The following CERS6 variants were observed in gnomAD, a reference collection of about 807,000 sequenced individuals.
CERS6 encodes the protein LAG1 homolog, ceramide synthase 6.
CERS6 carries 26 observed loss-of-function variants against 56.8 expected under a neutral mutation model. The ratio of observed to expected loss-of-function variants is 0.46; its 90% confidence interval spans 0.34 to 0.63. The LOEUF (loss-of-function observed/expected upper bound fraction) is 0.63, where lower values mean the gene tolerates loss of function less well. Among genes scored for constraint, CERS6 ranks in the 30% least tolerant of loss-of-function variants. The probability of loss-of-function intolerance (pLI) is 0.01; values close to 1 mark genes in which losing one functional copy is unlikely to be tolerated. For missense variants in CERS6, 415 were observed against 467.5 expected (o/e 0.89, Z 1.04); for synonymous variants, 164 against 173.3 (o/e 0.95, Z 0.42).
At chr2:168,537,764 A>C (rs1258773095) in intron 1 of CERS6, among the ~76,000 whole-genome samples, 3 of 152,112 alleles carry the variant, frequency 2.0e-5, no homozygotes, top group Non-Finnish European at 4.4e-5. Context: ...TATGTTGATG[A>C]AAATAAATTT....
intron 3 of CERS6, among the ~76,000 whole-genome samples, chr2:168,593,922 T>C (rs1242602911): frequency 6.6e-6 from 1 of 152,238 alleles, no homozygotes; most frequent in Non-Finnish European, 1.5e-5. Flanking sequence ...CCATGAATAC[T>C]CTGTTACTCT....
In CERS6 at chr2:168,510,015, CA is replaced by C. The variant is rs551326616; in HGVS notation, c.171-37575del. On this transcript the variant is annotated intron_variant, in intron 1 of 9. Coordinates refer to ENST00000305747, the MANE Select transcript of CERS6 (RefSeq NM_203463.3). ...AAAAAGCAGGTAACAATAACATGCCCAAAAAATATAATCACAAGAAAAATTT... is the reference window on the plus strand; with the variant it reads ...AAAAAGCAGGTAACAATAACATGCCCAAAAATATAATCACAAGAAAAATTT... 5.7e-3 allele frequency among the ~76,000 whole-genome samples: 858 copies of C among 150,042 alleles called. 2 individuals carry two copies. The highest frequency in any genetic ancestry group is 7.3e-3 in the Non-Finnish European group (491 of 67,540).
chr2:168,480,702 G>A (rs907944017), intron 1 of CERS6, among the ~76,000 whole-genome samples: 2 of 152,208 alleles, frequency 1.3e-5, no homozygotes, highest in African/African-American at 4.8e-5. Context: ...GAGCTTGGAG[G>A]AATAGAAATG....
intron 1 of CERS6, among the ~76,000 whole-genome samples, chr2:168,539,832 G>GT (rs1367690854): frequency 6.6e-6 from 1 of 152,024 alleles, no homozygotes; most frequent in Non-Finnish European, 1.5e-5. Flanking sequence ...TTATGCATAG[G>GT]TTTTTTTCTG....
chr2:168,465,496 C>T (rs180959515), intron 1 of CERS6, among the ~76,000 whole-genome samples: 21 of 152,248 alleles, frequency 1.4e-4, no homozygotes, highest in Non-Finnish European at 2.1e-4. Flanking sequence ...TAGGTTTCAA[C>T]GTGAATTTTG....
chr2:168,567,704 C>T (rs1157810038), intron 3 of CERS6, among the ~76,000 whole-genome samples: 10 of 152,188 alleles, frequency 6.6e-5, no homozygotes, highest in Admixed American at 2.6e-4. Flanking sequence ...AAGAGAATAT[C>T]GTCTCCTAGT....
intron 2 of CERS6, among the ~76,000 whole-genome samples, chr2:168,550,334 C>A (rs2105374129): frequency 6.6e-6 from 1 of 152,172 alleles, no homozygotes; most frequent in Admixed American, 6.5e-5. Flanking sequence ...GGCCACCACA[C>A]CTGGCTAATG....
At chr2:168,751,058 T>C (rs1428141144) in intron 8 of CERS6, among the ~76,000 whole-genome samples, 1 of 152,216 alleles carries the variant, frequency 6.6e-6, no homozygotes, top group African/African-American at 2.4e-5. Flanking sequence ...AACATAGCTG[T>C]GGTCACTGAG....
chr2:168,612,539 T>A (rs1389176229), intron 3 of CERS6, among the ~76,000 whole-genome samples: 1 of 152,216 alleles, frequency 6.6e-6, no homozygotes. Context: ...ATGAGATTTA[T>A]CTAGTCTCCC....
intron 1 of CERS6, among the ~76,000 whole-genome samples, chr2:168,488,759 C>T (rs557523649): frequency 6.6e-6 from 1 of 151,972 alleles, no homozygotes; most frequent in Non-Finnish European, 1.5e-5. Flanking sequence ...ATATAATACA[C>T]CAAAACTTTC....
At chr2:168,487,497 A>T (rs1694296284) in intron 1 of CERS6, among the ~76,000 whole-genome samples, 1 of 152,212 alleles carries the variant, frequency 6.6e-6, no homozygotes, top group Admixed American at 6.5e-5. Context: ...ATTTTCATCA[A>T]GGTGTAAGAC....
intron 1 of CERS6, among the ~76,000 whole-genome samples, chr2:168,514,354 T>A (rs2105352320): frequency 6.6e-6 from 1 of 152,330 alleles, no homozygotes. Context: ...ACCTCTAATA[T>A]GGCTTGCTTT....
intron 1 of CERS6, among the ~76,000 whole-genome samples, chr2:168,481,615 A>G (rs1694179733): frequency 6.6e-6 from 1 of 152,248 alleles, no homozygotes; most frequent in African/African-American, 2.4e-5. Context: ...CATTAGCTCC[A>G]GATCTGAAGC....
chr2:168,732,966 A>G (rs1423119106), intron 8 of CERS6, among the ~76,000 whole-genome samples: 1 of 152,154 alleles, frequency 6.6e-6, no homozygotes, highest in Non-Finnish European at 1.5e-5. Context: ...ATATTTACGT[A>G]TGTAAAAAAA....
In CERS6 at chr2:168,526,061, A is replaced by G. The variant is rs942277123; in HGVS notation, c.171-21535A>G. 3.9e-5 allele frequency among the ~76,000 whole-genome samples: 6 copies of G among 151,996 alleles called. 1 individual carries two copies. In the South Asian group the frequency reaches 1.0e-3, roughly 26 times the overall value. ...GGGTTGTGGCTATTTAAGGATTACA[A>G]TAAATCAAGAGAATACTAATCTCTT... On this transcript the variant is annotated intron_variant, in intron 1 of 9. Coordinates refer to ENST00000305747, the MANE Select transcript of CERS6 (RefSeq NM_203463.3).
At chr2:168,579,378 G>C (rs1178282659) in intron 3 of CERS6, among the ~76,000 whole-genome samples, 1 of 152,008 alleles carries the variant, frequency 6.6e-6, no homozygotes, top group African/African-American at 2.4e-5. Context: ...TCAAATTAGA[G>C]ACCTAGAGCT....
At chr2:168,730,887 C>T (rs575914517) in intron 8 of CERS6, among the ~76,000 whole-genome samples, 27 of 151,990 alleles carry the variant, frequency 1.8e-4, no homozygotes, top group Admixed American at 1.3e-3. Context: ...TGAGTTATTC[C>T]GAAGTTATGA....
intron 3 of CERS6, among the ~76,000 whole-genome samples, chr2:168,615,681 T>G (rs1337518011): frequency 6.6e-6 from 1 of 152,088 alleles, no homozygotes; most frequent in Non-Finnish European, 1.5e-5. Flanking sequence ...GAAAAAAGAC[T>G]AAGAAAAAAT....
chr2:168,620,048 CACACACACACACACAT>C lies in CERS6; in HGVS notation c.408-10935_408-10920del, dbSNP rs1472855428. On this transcript the variant is annotated intron_variant, in intron 3 of 9. Transcript: ENST00000305747. ...ACACACACACACACACACACACACA[CACACACACACACACAT>C]ATTTATATATATATGATCTAATACT... Among the ~76,000 whole-genome samples, 185 of 146,364 alleles carry C rather than the reference CACACACACACACACAT, an allele frequency of 1.3e-3. 4 individuals are homozygous for C. The highest frequency in any genetic ancestry group is 3.6e-3 in the African/African-American group (143 of 39,462).
Sources: allele counts gnomAD v4.1 joint callset (sites outside exome capture counted in the v4.1 genomes callset), GRCh38; gene constraint gnomAD v4.1.1; transcripts MANE v1.5; gene names NCBI Gene and HGNC (gene_info 2026-07-23, HGNC 2026-07-21).